Variants in WIPF2 observed in about 807,000 individuals in gnomAD.
WIPF2 encodes WAS/WASL interacting protein family member 2.
A neutral mutation model predicts 38.8 loss-of-function variants in WIPF2; 23 were observed. That is an observed-to-expected ratio of 0.59 (90% CI 0.43 to 0.84). WIPF2 has a LOEUF of 0.84. Ranked by LOEUF, WIPF2 falls within the 40% of genes least tolerant of loss-of-function variation. The pLI, the probability that WIPF2 is intolerant of heterozygous loss-of-function variation, is 0.00. For missense variants in WIPF2, 574 were observed against 580.5 expected, an observed-to-expected ratio of 0.99 and a Z score of 0.11; for synonymous variants, 210 against 223.2, an observed-to-expected ratio of 0.94 and a Z score of 0.53.
chr17:40,257,189 G>C (rs1337902320), intron 2 of WIPF2, among the ~76,000 whole-genome samples: 1 of 152,034 alleles, frequency 6.6e-6, no homozygotes, highest in Admixed American at 6.6e-5. Context: ...ATGTTGGCCA[G>C]GCTGGTCTTG....
chr17:40,236,572 C>T (rs1476919197), intron 1 of WIPF2, among the ~76,000 whole-genome samples: 1 of 146,678 alleles, frequency 6.8e-6, no homozygotes, highest in African/African-American at 2.5e-5. Flanking sequence ...TCCCAAAGTG[C>T]TGGGATTACA....
chr17:40,226,702 G>T (rs2030506654), intron 1 of WIPF2, among the ~76,000 whole-genome samples: 1 of 152,098 alleles, frequency 6.6e-6, no homozygotes, highest in South Asian at 2.1e-4. Context: ...AATAAGAACA[G>T]AACTGTTTTT....
intron 1 of WIPF2, among the ~76,000 whole-genome samples, chr17:40,224,713 TTG>T (rs1394216596): frequency 1.3e-5 from 2 of 151,828 alleles, no homozygotes; most frequent in African/African-American, 4.8e-5. Flanking sequence ...TACTACCAAA[TTG>T]AAAGGATTCT....
At chr17:40,271,743 G>A (rs112740174) in intron 5 of WIPF2, among the ~76,000 whole-genome samples, 1,813 of 152,170 alleles carry the variant, frequency 0.012, 22 homozygotes, top group Non-Finnish European at 0.016. Flanking sequence ...TACATACTTC[G>A]CATGTGTGGC....
At chr17:40,223,009 TA>T (rs995081057) in intron 1 of WIPF2, among the ~76,000 whole-genome samples, 1 of 151,392 alleles carries the variant, frequency 6.6e-6, no homozygotes, top group Non-Finnish European at 1.5e-5. Context: ...TGTCAACTTT[TA>T]AAAGTAAAAA....
At chr17:40,260,410 C>G in intron 2 of WIPF2, 125 bp from the exon 3 acceptor site, 1 of 1,147,172 alleles carries the variant, frequency 8.7e-7, no homozygotes, top group South Asian at 1.5e-5. Context: ...TGGTCTGGAA[C>G]TCCTGACTTC....
Position 40,219,368 on chromosome 17 carries a change from T to TGGTGGCGGCGGCGGC in WIPF2, c.-192_-191insTGGCGGCGGCGGCGG. On this transcript the variant is annotated 5_prime_UTR_variant, in exon 1 of 8. Coordinates refer to ENST00000323571, the MANE Select transcript of WIPF2 (RefSeq NM_133264.5). ...ATTTCCGGGTTGGCAAAAGGGGCGG[T>TGGTGGCGGCGGCGGC]GGCGGCGGCGGCGGCGGCGGCGGCG... 2.6e-6 allele frequency: 1 copy of TGGTGGCGGCGGCGGC among 379,542 alleles called. No homozygotes were observed. Among genetic ancestry groups the TGGTGGCGGCGGCGGC allele is most frequent in the Non-Finnish European group, 5.0e-6 (1 of 200,256 alleles). The allele number at this position is 379,542 out of a possible 1,614,324, so 23.5% of individuals were successfully genotyped here.
chr17:40,273,609 A>G lies in WIPF2; in HGVS notation c.971-181A>G, dbSNP rs1018103721. The G allele has an allele frequency of 1.1e-4, 65 of 577,546 alleles. 1 individual carries two copies. The highest frequency in any genetic ancestry group is 4.5e-4 in the Middle Eastern group (1 of 2,204). The allele number at this position is 577,546 out of a possible 1,614,324, so 35.8% of individuals were successfully genotyped here. ...GGTAGGAAATGTAAAAAGGCCATAC[A>G]TTTATTCTGAATGTTGGTATCTGGA... On this transcript the variant is annotated intron_variant, in intron 5 of 7. Coordinates refer to ENST00000323571, the MANE Select transcript of WIPF2 (RefSeq NM_133264.5).
intron 2 of WIPF2, among the ~76,000 whole-genome samples, chr17:40,259,550 G>A (rs998306486): frequency 6.6e-5 from 10 of 152,046 alleles, no homozygotes; most frequent in African/African-American, 2.4e-4. Flanking sequence ...ATGATGTGAC[G>A]TTAACTGTCC....
At chr17:40,237,545 A>AT (rs1177200649) in intron 1 of WIPF2, among the ~76,000 whole-genome samples, 1 of 149,720 alleles carries the variant, frequency 6.7e-6, no homozygotes, top group South Asian at 2.1e-4. Flanking sequence ...CCCAACCCTA[A>AT]TTTTTTTTTC....
At chr17:40,232,651 T>G (rs562681799) in intron 1 of WIPF2, among the ~76,000 whole-genome samples, 32 of 151,796 alleles carry the variant, frequency 2.1e-4, no homozygotes, top group African/African-American at 7.2e-4. Context: ...TTCTCTTTTT[T>G]TTTTTTTGAG....
At chr17:40,253,308 C>T (rs960620037) in intron 1 of WIPF2, among the ~76,000 whole-genome samples, 1 of 152,070 alleles carries the variant, frequency 6.6e-6, no homozygotes, top group East Asian at 1.9e-4. Flanking sequence ...ATGATCTGCC[C>T]GCCTTGGCCT....
chr17:40,259,390 G>A (rs1245188522), intron 2 of WIPF2, among the ~76,000 whole-genome samples: 1 of 150,752 alleles, frequency 6.6e-6, no homozygotes, highest in Non-Finnish European at 1.5e-5. Context: ...AGCCGAGATC[G>A]CACCACTGTG....
At chr17:40,223,836 C>T (rs919502641) in intron 1 of WIPF2, among the ~76,000 whole-genome samples, 2 of 151,976 alleles carry the variant, frequency 1.3e-5, no homozygotes, top group African/African-American at 4.8e-5. Flanking sequence ...CTGCCAGTCT[C>T]GGCCTCCCAA....
intron 1 of WIPF2, among the ~76,000 whole-genome samples, chr17:40,233,651 C>T (rs2030840738): frequency 6.6e-6 from 1 of 152,100 alleles, no homozygotes; most frequent in Admixed American, 6.6e-5. Flanking sequence ...TACATATTAT[C>T]TGTTGAGGCT....
Position 40,220,777 on chromosome 17 carries a change from T to C in WIPF2, c.-70+1285T>C, listed in dbSNP as rs1287878391. On this transcript the variant is annotated intron_variant, in intron 1 of 7. Transcript: ENST00000323571. ...GCCACTGTGCCTGGCCCAGAATTCG[T>C]TTTTTTTTTTTTTTTGAGATGGAGT... 3.1e-5 allele frequency among the ~76,000 whole-genome samples: 3 copies of C among 95,530 alleles called. No individual in the cohort carries two copies. The East Asian group carries it at 1.3e-3, about 43-fold the overall frequency. The allele number at this position is 95,530 out of a possible 152,430, so 62.7% of individuals were successfully genotyped here.
intron 4 of WIPF2, 103 bp downstream of exon 4, chr17:40,262,744 G>GAA: frequency 2.2e-6 from 2 of 902,420 alleles, no homozygotes; most frequent in Non-Finnish European, 3.6e-6. Context: ...GTGGGGGGAA[G>GAA]AAAGACTTGG....
At chr17:40,234,389 C>T (rs1179694837) in intron 1 of WIPF2, among the ~76,000 whole-genome samples, 1 of 151,978 alleles carries the variant, frequency 6.6e-6, no homozygotes, top group Non-Finnish European at 1.5e-5. Context: ...GCTGAGATTG[C>T]GCCACTGCAC....
intron 1 of WIPF2, among the ~76,000 whole-genome samples, chr17:40,234,681 A>T (rs1012029706): frequency 5.3e-5 from 8 of 152,122 alleles, no homozygotes; most frequent in Admixed American, 5.2e-4. Flanking sequence ...AGATGCTTAC[A>T]AGACCATTGG....
Sources: gnomAD v4.1 joint callset for allele counts (sites outside exome capture counted in the v4.1 genomes callset) on GRCh38, gnomAD v4.1.1 for gene constraint, MANE v1.5 for transcripts, NCBI Gene and HGNC (gene_info 2026-07-23, HGNC 2026-07-21) for gene names.